The following CACNA1A variants were observed in gnomAD, a reference collection of about 807,000 sequenced individuals.
CACNA1A encodes the protein voltage-dependent P/Q-type calcium channel subunit alpha-1A.
CACNA1A carries 57 observed loss-of-function variants against 262.4 expected under a neutral mutation model. That is an observed-to-expected ratio of 0.22 (90% CI 0.18 to 0.27). The LOEUF (loss-of-function observed/expected upper bound fraction) is 0.27. Among genes scored for constraint, CACNA1A ranks in the 10% least tolerant of loss-of-function variants. CACNA1A has a pLI of 1.00. For synonymous variants in CACNA1A, 1,431 were observed against 1,419.3 expected (o/e 1.01, Z -0.18); for missense variants, 2,526 against 3,562.8 (o/e 0.71, Z 7.41).
intron 22 of CACNA1A, among the ~76,000 whole-genome samples, chr19:13,279,469 G>C (rs2057231673): frequency 6.6e-6 from 1 of 152,008 alleles, no homozygotes; most frequent in African/African-American, 2.4e-5. Context: ...CTGGTGCAAG[G>C]GCCACTGCGT....
intron 3 of CACNA1A, among the ~76,000 whole-genome samples, chr19:13,387,202 C>T (rs1435198027): frequency 2.0e-5 from 3 of 152,212 alleles, no homozygotes; most frequent in Admixed American, 6.5e-5. Context: ...CCACCCCACC[C>T]GTCTTGGCCT....
At chr19:13,263,457 C>T (rs931900895) in intron 24 of CACNA1A, 3 of 152,804 alleles carry the variant, frequency 2.0e-5, no homozygotes, top group African/African-American at 4.8e-5. Context: ...GTGTGAGCCA[C>T]TACACCTGGT....
At chr19:13,494,524 T>C (rs1321444574) in intron 1 of CACNA1A, among the ~76,000 whole-genome samples, 5 of 151,850 alleles carry the variant, frequency 3.3e-5, no homozygotes, top group East Asian at 1.9e-4. Flanking sequence ...GAAAGGAAGG[T>C]AGACAATGAA....
intron 1 of CACNA1A, among the ~76,000 whole-genome samples, chr19:13,492,032 C>T (rs962763957): frequency 6.6e-6 from 1 of 152,124 alleles, no homozygotes; most frequent in African/African-American, 2.4e-5. Flanking sequence ...TAATGTTATA[C>T]CACTTTTACT....
intron 31 of CACNA1A, 110 bp downstream of exon 31, chr19:13,245,072 A>AAGCAGAGAGCTGCTTGAGCTGCTTG: frequency 2.2e-6 from 2 of 906,612 alleles, no homozygotes; most frequent in Non-Finnish European, 3.6e-6. Context: ...GTGCTGGCTC[A>AAGCAGAGAGCTGCTTGAGCTGCTTG]AGCAGCTATG....
chr19:13,293,613 A>C (rs2057594573), intron 19 of CACNA1A, among the ~76,000 whole-genome samples: 2 of 140,316 alleles, frequency 1.4e-5, no homozygotes, highest in Non-Finnish European at 1.6e-5. Flanking sequence ...ACGCCCGGCT[A>C]ATTTTTTTTT....
intron 1 of CACNA1A, among the ~76,000 whole-genome samples, chr19:13,471,177 G>C (rs1411762679): frequency 6.6e-6 from 1 of 152,090 alleles, no homozygotes; most frequent in East Asian, 1.9e-4. Context: ...CTGTAATCCA[G>C]GATGACCTCA....
intron 6 of CACNA1A, among the ~76,000 whole-genome samples, chr19:13,348,527 A>G (rs1293268938): frequency 6.6e-6 from 1 of 152,024 alleles, no homozygotes; most frequent in Non-Finnish European, 1.5e-5. Context: ...ACATGTTGAA[A>G]CCCAGTCTCT....
At chr19:13,261,985 C>T (rs1472072999) in intron 25 of CACNA1A, 1 of 182,432 alleles carries the variant, frequency 5.5e-6, no homozygotes, top group Non-Finnish European at 1.2e-5. Context: ...CATTTTCCCT[C>T]TTTAACCAAG....
At chr19:13,289,967 T>C (rs929087898) in intron 19 of CACNA1A, among the ~76,000 whole-genome samples, 6 of 151,318 alleles carry the variant, frequency 4.0e-5, no homozygotes, top group Admixed American at 4.0e-4. Flanking sequence ...TCTTGCTCTG[T>C]CACCCAGGCT....
At chr19:13,239,082 G>A (rs933360312) in intron 31 of CACNA1A, among the ~76,000 whole-genome samples, 2 of 152,104 alleles carry the variant, frequency 1.3e-5, no homozygotes, top group African/African-American at 2.4e-5. Flanking sequence ...CAACCAGAGC[G>A]AGCTTGTCTA....
chr19:13,270,111 G>A (rs568177468), intron 24 of CACNA1A, among the ~76,000 whole-genome samples: 44 of 152,256 alleles, frequency 2.9e-4, no homozygotes, highest in Non-Finnish European at 6.5e-4. Flanking sequence ...AGGGCTGGGA[G>A]ATGGGTAGCA....
chr19:13,359,492 G>T, intron 6 of CACNA1A, 114 bp downstream of exon 6: 1 of 781,862 alleles, frequency 1.3e-6, no homozygotes, highest in Non-Finnish European at 2.1e-6. Context: ...TTGTCCTTGG[G>T]CTGCCTTTCC....
At chr19:13,412,213 T>A (rs928671436) in intron 3 of CACNA1A, among the ~76,000 whole-genome samples, 4 of 150,906 alleles carry the variant, frequency 2.7e-5, no homozygotes, top group African/African-American at 9.8e-5. Flanking sequence ...AGTGTATTCT[T>A]TTTTAGATGT....
chr19:13,375,770 G>A (rs550388950), intron 3 of CACNA1A, among the ~76,000 whole-genome samples: 4 of 152,016 alleles, frequency 2.6e-5, no homozygotes, highest in Non-Finnish European at 4.4e-5. Flanking sequence ...CCTGGGCAAC[G>A]GAGTGAGACC....
chr19:13,449,382 C>T (rs139300730), intron 3 of CACNA1A, among the ~76,000 whole-genome samples: 122 of 152,286 alleles, frequency 8.0e-4, no homozygotes, highest in African/African-American at 2.8e-3. Flanking sequence ...ACTACAGCGT[C>T]GACCTTATGG....
rs116039479 is a variant in CACNA1A, at chr19:13,431,517, G to A, written c.539+21359C>T. 2.2e-3 allele frequency among the ~76,000 whole-genome samples: 340 copies of A among 152,170 alleles called. 3 individuals carry two copies. The highest frequency in any genetic ancestry group is 7.9e-3 in the African/African-American group (327 of 41,518). On this transcript the variant is annotated intron_variant, in intron 3 of 46. Transcript: ENST00000360228. ...GGCAGGAGGAGCAGGTTTGGGTGAC[G>A]GTGGTCTTTTGGAGGAGCTGTAATC... is the stretch of plus-strand genomic sequence containing the variant.
At chr19:13,231,029 G>A (rs1847619798) in intron 35 of CACNA1A, among the ~76,000 whole-genome samples, 1 of 151,578 alleles carries the variant, frequency 6.6e-6, no homozygotes, top group Non-Finnish European at 1.5e-5. Flanking sequence ...TTTGAGACAG[G>A]ATCTCATTCT....
chr19:13,385,861 A>G (rs2059603435), intron 3 of CACNA1A, among the ~76,000 whole-genome samples: 1 of 152,104 alleles, frequency 6.6e-6, no homozygotes, highest in African/African-American at 2.4e-5. Flanking sequence ...AAGGCTCAGT[A>G]TTTAAAGAAG....
Sources: allele counts gnomAD v4.1 joint callset (sites outside exome capture counted in the v4.1 genomes callset), GRCh38; gene constraint gnomAD v4.1.1; transcripts MANE v1.5; gene names NCBI Gene and HGNC (gene_info 2026-07-23, HGNC 2026-07-21).